Variants in RBFOX1 observed in about 807,000 individuals in gnomAD.
RBFOX1 encodes RNA binding protein fox-1 homolog 1.
Under a neutral mutation model 57.7 loss-of-function variants are expected in RBFOX1, and 8 were observed. The ratio of observed to expected loss-of-function variants is 0.14; its 90% CI spans 0.08 to 0.25. The LOEUF is 0.25. Ranked by LOEUF, RBFOX1 falls within the 10% of genes least tolerant of loss-of-function variation. RBFOX1 has a pLI of 1.00. For missense variants in RBFOX1, 611 were observed against 548.5 expected (o/e 1.11, Z -1.14); for synonymous variants, 326 against 222.4 (o/e 1.47, Z -4.15).
chr16:6,438,703 G>T (rs775571961), intron 2 of RBFOX1, among the ~76,000 whole-genome samples: 2 of 152,084 alleles, frequency 1.3e-5, no homozygotes, highest in Non-Finnish European at 2.9e-5. Context: ...GCAGATGTTC[G>T]GGCTTTCCAT....
At chr16:6,961,095 A>G (rs2082883638) in intron 3 of RBFOX1, among the ~76,000 whole-genome samples, 1 of 149,012 alleles carries the variant, frequency 6.7e-6, no homozygotes, top group South Asian at 2.1e-4. Context: ...GTGAGCCGAG[A>G]TCATGCCACT....
At chr16:6,202,217 C>A (rs1311133656) in intron 1 of RBFOX1, among the ~76,000 whole-genome samples, 1 of 152,110 alleles carries the variant, frequency 6.6e-6, no homozygotes, top group Non-Finnish European at 1.5e-5. Flanking sequence ...TATTTAGAGC[C>A]TAATTTTCAC....
chr16:7,057,774 A>G (rs1811559), intron 4 of RBFOX1, among the ~76,000 whole-genome samples: 105,664 of 152,014 alleles, frequency 0.7, 37,820 homozygotes, highest in East Asian at 0.91. Context: ...TTGGGAGGCC[A>G]AGGTGGGTGG....
chr16:7,341,352 A>C (rs1176044700), intron 4 of RBFOX1, among the ~76,000 whole-genome samples: 1 of 152,144 alleles, frequency 6.6e-6, no homozygotes, highest in African/African-American at 2.4e-5. Flanking sequence ...GGCTCCATGA[A>C]ACTCATTCAT....
At chr16:5,254,703 T>C (rs1045944893) in intron 1 of RBFOX1, among the ~76,000 whole-genome samples, 3 of 152,344 alleles carry the variant, frequency 2.0e-5, no homozygotes, top group Admixed American at 2.0e-4. Context: ...TCAACAACAG[T>C]TCCAGCGTTT....
At chr16:7,123,327 A>C (rs1346548501) in intron 4 of RBFOX1, among the ~76,000 whole-genome samples, 1 of 152,092 alleles carries the variant, frequency 6.6e-6, no homozygotes, top group African/African-American at 2.4e-5. Context: ...TTGTGGATGG[A>C]ATAAATGAAA....
At chr16:7,161,416 A>G (rs1007634002) in intron 4 of RBFOX1, among the ~76,000 whole-genome samples, 5 of 152,246 alleles carry the variant, frequency 3.3e-5, no homozygotes, top group African/African-American at 1.2e-4. Context: ...AAGTGTATAA[A>G]TAACATTTAT....
At chr16:5,444,832 C>G (rs908610996) in intron 1 of RBFOX1, among the ~76,000 whole-genome samples, 6 of 152,224 alleles carry the variant, frequency 3.9e-5, no homozygotes, top group Admixed American at 6.5e-5. Flanking sequence ...AACTGCCATT[C>G]TTATAGGTCC....
At chr16:5,763,258 G>A (rs1203873186) in intron 3 of RBFOX1, among the ~76,000 whole-genome samples, 1 of 152,200 alleles carries the variant, frequency 6.6e-6, no homozygotes, top group African/African-American at 2.4e-5. Flanking sequence ...AAGGAGGCTT[G>A]GTTTGGCCTG....
chr16:5,613,224 C>G (rs915847337), intron 3 of RBFOX1, among the ~76,000 whole-genome samples: 2 of 152,172 alleles, frequency 1.3e-5, no homozygotes, highest in African/African-American at 4.8e-5. Flanking sequence ...TCAGAAGAAC[C>G]TCCCCACACC....
At chr16:6,089,151 G>A (rs1223190681) in intron 1 of RBFOX1, among the ~76,000 whole-genome samples, 1 of 151,796 alleles carries the variant, frequency 6.6e-6, no homozygotes, top group African/African-American at 2.4e-5. Context: ...ACCACCAAGT[G>A]ATCATTTATA....
intron 2 of RBFOX1, among the ~76,000 whole-genome samples, chr16:6,347,436 T>C (rs12373031): frequency 0.1 from 15,820 of 152,230 alleles, 931 homozygotes; most frequent in Middle Eastern, 0.18. Flanking sequence ...AGGTAGATGC[T>C]AAACAAATGG....
chr16:7,097,102 C>CA (rs1055077844), intron 4 of RBFOX1, among the ~76,000 whole-genome samples: 3 of 151,956 alleles, frequency 2.0e-5, no homozygotes, highest in African/African-American at 7.2e-5. Context: ...AGGACAAAAA[C>CA]AAAAAATGTG....
intron 4 of RBFOX1, among the ~76,000 whole-genome samples, chr16:7,076,756 A>T (rs889712512): frequency 6.6e-6 from 1 of 152,218 alleles, no homozygotes; most frequent in Non-Finnish European, 1.5e-5. Flanking sequence ...GCATAATATG[A>T]AATGACCAGT....
intron 1 of RBFOX1, among the ~76,000 whole-genome samples, chr16:6,249,950 C>T (rs946898260): frequency 1.3e-5 from 2 of 151,984 alleles, no homozygotes; most frequent in Non-Finnish European, 2.9e-5. Context: ...AATAGGCCCA[C>T]ATTTTAAGGT....
chr16:7,157,667 C>G (rs1209074727), intron 4 of RBFOX1, among the ~76,000 whole-genome samples: 2 of 152,092 alleles, frequency 1.3e-5, no homozygotes, highest in African/African-American at 4.8e-5. Context: ...ATGACAGTAT[C>G]TCTACACGCC....
chr16:7,412,785 G>T (rs1048547116), intron 4 of RBFOX1, among the ~76,000 whole-genome samples: 1 of 152,336 alleles, frequency 6.6e-6, no homozygotes, highest in South Asian at 2.1e-4. Context: ...GCTCACGCCT[G>T]TGATCCCAGA....
Position 5,996,817 on chromosome 16 carries a change from T to C in RBFOX1, c.351+129482T>C, listed in dbSNP as rs150261935. On this transcript the variant is annotated intron_variant, in intron 4 of 19. Coordinates refer to the RBFOX1 transcript ENST00000641259. Reference sequence around the variant, plus strand: ...TTCCTTTCTCCATCTCTGCTAGTGCTCTCCATCAGCCAAACCCTCCAGGAA... The same window carrying C: ...TTCCTTTCTCCATCTCTGCTAGTGCCCTCCATCAGCCAAACCCTCCAGGAA... Among the ~76,000 whole-genome samples, 3 of 152,190 alleles carry C rather than the reference T, an allele frequency of 2.0e-5. No individual in the cohort carries two copies. The East Asian group carries it at 5.8e-4, about 29-fold the overall frequency.
At chr16:7,037,028 G>C (rs954384440) in intron 3 of RBFOX1, among the ~76,000 whole-genome samples, 4 of 152,144 alleles carry the variant, frequency 2.6e-5, no homozygotes, top group African/African-American at 9.7e-5. Flanking sequence ...GTGCCAGTGG[G>C]AGTGTGGCAG....
Sources: allele counts gnomAD v4.1 joint callset (sites outside exome capture counted in the v4.1 genomes callset), GRCh38; gene constraint gnomAD v4.1.1; transcripts MANE v1.5; gene names NCBI Gene and HGNC (gene_info 2026-07-23, HGNC 2026-07-21).